SLC7A8: variants seen among roughly 807,000 people sequenced by gnomAD.
SLC7A8 encodes large neutral amino acids transporter small subunit 2.
SLC7A8 carries 30 observed loss-of-function variants against 51.2 expected under a neutral mutation model. The observed-to-expected ratio is 0.59, with a 90% CI of 0.44 to 0.80. The LOEUF (loss-of-function observed/expected upper bound fraction) is 0.80. Among genes scored for constraint, SLC7A8 ranks in the 30% least tolerant of loss-of-function variants. The pLI is 0.00. For missense variants in SLC7A8, 612 were observed against 674.4 expected (o/e 0.91, Z 1.03); for synonymous variants, 257 against 275.8 (o/e 0.93, Z 0.67).
chr14:23,126,833 G>A lies in SLC7A8; in HGVS notation c.*344C>T. ...CCTCTCTGAAGGGGCCTCCCTGGGAGGGAAGGCAGTAATGAGCTCCGGTTC... is the reference window on the plus strand; with the variant it reads ...CCTCTCTGAAGGGGCCTCCCTGGGAAGGAAGGCAGTAATGAGCTCCGGTTC... On this transcript the variant is annotated 3_prime_UTR_variant, in exon 11 of 11. Transcript: ENST00000316902. 3.0e-6 allele frequency: 1 copy of A among 331,294 alleles called. No homozygotes were observed. The highest frequency in any genetic ancestry group is 5.7e-6 in the Non-Finnish European group (1 of 174,510). The allele number at this position is 331,294 out of a possible 1,614,324, so 20.5% of individuals were successfully genotyped here. A position where few individuals can be genotyped will look rare whatever the true frequency, so the allele number is the denominator to read the frequency against.
rs368556076 is a variant in SLC7A8, at chr14:23,144,886, C to T, written c.509-1682G>A. On this transcript the variant is annotated intron_variant, in intron 3 of 10. Coordinates refer to ENST00000316902, the MANE Select transcript of SLC7A8 (RefSeq NM_012244.4). ...TCCTTCTCTCTAGAACAATCCCAGACCACTTTGTTTATATCTAATGTTGGG... is the reference window on the plus strand; with the variant it reads ...TCCTTCTCTCTAGAACAATCCCAGATCACTTTGTTTATATCTAATGTTGGG... Among the ~76,000 whole-genome samples, 228 of 152,072 alleles carry T rather than the reference C, an allele frequency of 1.5e-3. 1 individual carries two copies. Among genetic ancestry groups the T allele is most frequent in the African/African-American group, 5.2e-3 (216 of 41,484 alleles).
chr14:23,147,253 C>A (rs528782711), intron 3 of SLC7A8, among the ~76,000 whole-genome samples: 47 of 152,316 alleles, frequency 3.1e-4, no homozygotes, highest in Admixed American at 1.4e-3. Context: ...ATCCACCCAT[C>A]TACTCATCCG....
chr14:23,182,884 T>G lies in SLC7A8; in HGVS notation c.31A>C (p.Thr11Pro). 1 of 1,614,066 alleles carries G rather than the reference T, an allele frequency of 6.2e-7. No individual in the cohort carries two copies. Among genetic ancestry groups the G allele is most frequent in the Non-Finnish European group, 8.5e-7 (1 of 1,179,982 alleles). The change falls in exon 1 of 11, where the codon ACC becomes CCC. Residue 11 changes from threonine to proline, a missense_variant. By Grantham distance (38) the Thr-to-Pro change is conservative. Transcript: ENST00000316902. MEEGARHRNNTEKKHPGGGES... is the reference protein window; with the variant it reads MEEGARHRNNPEKKHPGGGES... ...CCCCCACCTGGGTGTTTCTTTTCGG[T>G]GTTGTTTCGGTGCCTGGCTCCTTCT...
At chr14:23,180,878 T>A (rs1185598177) in intron 1 of SLC7A8, among the ~76,000 whole-genome samples, 1 of 151,958 alleles carries the variant, frequency 6.6e-6, no homozygotes, top group Non-Finnish European at 1.5e-5. Context: ...ACAAAAAAAA[T>A]TAGCAGGGCG....
At chr14:23,176,490 C>T (rs544743499) in intron 1 of SLC7A8, among the ~76,000 whole-genome samples, 1 of 152,304 alleles carries the variant, frequency 6.6e-6, no homozygotes, top group East Asian at 1.9e-4. Flanking sequence ...GCTATGGAGT[C>T]ATCTCAGTTA....
At chr14:23,178,733 G>A (rs1439558177) in intron 1 of SLC7A8, among the ~76,000 whole-genome samples, 2 of 150,944 alleles carry the variant, frequency 1.3e-5, no homozygotes, top group African/African-American at 2.4e-5. Context: ...GGGCAACATA[G>A]GGAGACCCTG....
At chr14:23,148,041 C>T (rs1043625454) in intron 3 of SLC7A8, among the ~76,000 whole-genome samples, 11 of 152,196 alleles carry the variant, frequency 7.2e-5, no homozygotes, top group African/African-American at 2.7e-4. Context: ...TGATCCCAGA[C>T]TTTGATCTCC....
In SLC7A8 at chr14:23,165,380, A is replaced by G; in HGVS notation, c.413T>C (p.Ile138Thr). The G allele has an allele frequency of 1.2e-6, 2 of 1,603,616 alleles. No individual in the cohort carries two copies. The highest frequency in any genetic ancestry group is 1.7e-6 in the Non-Finnish European group (2 of 1,176,264). The change falls in exon 3 of 11, where the codon ATC (isoleucine) becomes ACC (threonine). Residue 138 changes from isoleucine to threonine, a missense_variant. Ile to Thr is a moderately conservative substitution (Grantham distance 89, BLOSUM62 -1). Transcript: ENST00000316902. This position sits in a 1 kb window ranked among gnomAD's most constrained non-coding sequence, Gnocchi z 4.2. ...CACGTAGTTGGAGAAGGTGAGGGCG[A>G]TGACAGCCTGGTTGGTGGGGTAGAT... is the stretch of plus-strand genomic sequence containing the variant. ...LVIYPTNQAV[I>T]ALTFSNYVLQ... is the part of the protein sequence containing the mutation.
intron 3 of SLC7A8, among the ~76,000 whole-genome samples, chr14:23,144,355 T>G: frequency 6.6e-6 from 1 of 151,312 alleles, no homozygotes; most frequent in South Asian, 2.1e-4. Context: ...TTTTTTTTTT[T>G]TTTTTTTTGG....
Position 23,143,029 on chromosome 14 carries a change from A to G in SLC7A8, c.634+50T>C, listed in dbSNP as rs1277628431. The G allele has an allele frequency of 3.7e-6, 6 of 1,606,412 alleles. No homozygotes were observed. The Admixed American group carries it at 8.4e-5, about 22-fold the overall frequency. On this transcript the variant is annotated intron_variant, in intron 4 of 10. Coordinates refer to ENST00000316902, the MANE Select transcript of SLC7A8 (RefSeq NM_012244.4). ...AAAGCTGGGCTGAGAGGGTGTGTACATGCAAGGGGAGGAAAGCTGGGCAGT... is the reference window on the plus strand; with the variant it reads ...AAAGCTGGGCTGAGAGGGTGTGTACGTGCAAGGGGAGGAAAGCTGGGCAGT...
At chr14:23,175,736 T>C (rs1428873079) in intron 1 of SLC7A8, among the ~76,000 whole-genome samples, 1 of 152,188 alleles carries the variant, frequency 6.6e-6, no homozygotes, top group Non-Finnish European at 1.5e-5. Context: ...AGTCAGGAAG[T>C]GTCCAACAGG....
intron 7 of SLC7A8, among the ~76,000 whole-genome samples, chr14:23,131,999 A>ATTTTTTTTTTTTTTTTTTTTTTT (rs1201371313): frequency 1.0e-5 from 1 of 98,198 alleles, no homozygotes. Flanking sequence ...AAAACACTCT[A>ATTTTTTTTTTTTTTTTTTTTTTT]TTTTTTTTTT....
At chr14:23,133,340 C>T (rs1310223068) in intron 7 of SLC7A8, among the ~76,000 whole-genome samples, 1 of 147,240 alleles carries the variant, frequency 6.8e-6, no homozygotes, top group Non-Finnish European at 1.5e-5. Flanking sequence ...ACTCGGGAGG[C>T]TGAGGTGACA....
At chr14:23,178,437 T>C (rs1877014169) in intron 1 of SLC7A8, among the ~76,000 whole-genome samples, 1 of 152,200 alleles carries the variant, frequency 6.6e-6, no homozygotes, top group Non-Finnish European at 1.5e-5. Context: ...TTGATAAAAC[T>C]ACTCCTAGCT....
chr14:23,173,375 G>A (rs1329510651), intron 1 of SLC7A8, among the ~76,000 whole-genome samples: 1 of 152,176 alleles, frequency 6.6e-6, no homozygotes, highest in Non-Finnish European at 1.5e-5. Flanking sequence ...TGAGTGAGTA[G>A]ACTCAGCTCA....
intron 3 of SLC7A8, among the ~76,000 whole-genome samples, chr14:23,152,292 G>C (rs550064630): frequency 6.6e-6 from 1 of 152,078 alleles, no homozygotes; most frequent in East Asian, 1.9e-4. Flanking sequence ...ACCACGCCCA[G>C]CTAATTTTTT....
Position 23,125,410 on chromosome 14 carries a change from C to T in SLC7A8, c.*1767G>A, listed in dbSNP as rs1329325540. 6.6e-6 allele frequency: 1 copy of T among 152,266 alleles called. No individual in the cohort carries two copies. The highest frequency in any genetic ancestry group is 2.4e-5 in the African/African-American group (1 of 41,330). The allele number at this position is 152,266 out of a possible 1,614,324, so 9.4% of individuals were successfully genotyped here. On this transcript the variant is annotated 3_prime_UTR_variant, in exon 11 of 11. Transcript: ENST00000316902. ...TCATTAAGGTTCTAACTCCATCCCCCAAAACAACCTTACATTAAAAAAAAT... is the reference window on the plus strand; with the variant it reads ...TCATTAAGGTTCTAACTCCATCCCCTAAAACAACCTTACATTAAAAAAAAT...
At chr14:23,150,683 CTAAG>C (rs1399025467) in intron 3 of SLC7A8, among the ~76,000 whole-genome samples, 1 of 152,122 alleles carries the variant, frequency 6.6e-6, no homozygotes, top group Admixed American at 6.5e-5. Context: ...AAACTGCAGA[CTAAG>C]AAAGTCAAAA....
At chr14:23,151,240 T>C (rs1403428904) in intron 3 of SLC7A8, among the ~76,000 whole-genome samples, 1 of 152,142 alleles carries the variant, frequency 6.6e-6, no homozygotes, top group African/African-American at 2.4e-5. Context: ...TGGCACACAG[T>C]AGGCGCTAAA....
Sources: allele counts gnomAD v4.1 joint callset (sites outside exome capture counted in the v4.1 genomes callset), GRCh38; gene constraint gnomAD v4.1.1; non-coding constraint Gnocchi (gnomAD v3.1); transcripts MANE v1.5; gene names NCBI Gene and HGNC (gene_info 2026-07-23, HGNC 2026-07-21).